BTBD16: variants seen among roughly 807,000 people sequenced by gnomAD.
BTBD16 encodes the protein BTB domain containing 16.
A neutral mutation model predicts 67.4 loss-of-function variants in BTBD16; 66 were observed. The ratio of observed to expected loss-of-function variants is 0.98; its 90% confidence interval spans 0.80 to 1.20. BTBD16 has a LOEUF of 1.20. Ranked by LOEUF, BTBD16 falls within the 50% of genes most tolerant of loss-of-function variation. The probability of loss-of-function intolerance (pLI) is 0.00; values close to 1 mark genes in which losing one functional copy is unlikely to be tolerated. For missense variants in BTBD16, 634 were observed against 616.0 expected, an observed-to-expected ratio of 1.03 and a Z score of -0.31; for synonymous variants, 242 against 236.4, an observed-to-expected ratio of 1.02 and a Z score of -0.22.
At chr10:122,282,069 T>C (rs2096354288) in intron 3 of BTBD16, among the ~76,000 whole-genome samples, 1 of 152,176 alleles carries the variant, frequency 6.6e-6, no homozygotes, top group Non-Finnish European at 1.5e-5. Flanking sequence ...ATGGTATATC[T>C]TGACAAGCAG....
intron 8 of BTBD16, 32 bp downstream of exon 8, chr10:122,297,869 C>T (rs773704141): frequency 6.2e-7 from 1 of 1,607,578 alleles, no homozygotes. Flanking sequence ...CACATCGCCC[C>T]TTGGGGGGGC....
intron 11 of BTBD16, among the ~76,000 whole-genome samples, chr10:122,330,802 C>T (rs2133318942): frequency 6.6e-6 from 1 of 152,270 alleles, no homozygotes; most frequent in South Asian, 2.1e-4. Context: ...AATCTTGGCT[C>T]ACTGCAGCCT....
At chr10:122,286,023 G>A in intron 4 of BTBD16, 82 bp from the exon 5 acceptor site, 1 of 1,352,676 alleles carries the variant, frequency 7.4e-7, no homozygotes, top group Non-Finnish European at 1.0e-6. Context: ...ACCGAGCAAA[G>A]GAGCTGGGGG....
intron 10 of BTBD16, among the ~76,000 whole-genome samples, chr10:122,317,709 C>G (rs553525632): frequency 6.6e-6 from 1 of 151,924 alleles, no homozygotes; most frequent in African/African-American, 2.4e-5. Context: ...CACAAACACA[C>G]GTATTAGCCT....
At chr10:122,310,841 C>T (rs921166217) in intron 10 of BTBD16, among the ~76,000 whole-genome samples, 5 of 152,176 alleles carry the variant, frequency 3.3e-5, no homozygotes, top group Non-Finnish European at 5.9e-5. Context: ...ACAAGCTGAA[C>T]AAATATTAGC....
intron 10 of BTBD16, among the ~76,000 whole-genome samples, chr10:122,312,309 CTTTTTTTTT>C (rs58045019): frequency 1.9e-5 from 2 of 105,602 alleles, no homozygotes; most frequent in Non-Finnish European, 1.8e-5. Context: ...TTTTCTTTTT[CTTTTTTTTT>C]TTTTTTTTTT....
At chr10:122,337,174 C>T (rs2096464589) in intron 15 of BTBD16, among the ~76,000 whole-genome samples, 1 of 152,194 alleles carries the variant, frequency 6.6e-6, no homozygotes, top group Non-Finnish European at 1.5e-5. Context: ...TAAGACTTTG[C>T]TACAAGCCAG....
At chr10:122,287,862 G>T (rs1200917360) in intron 5 of BTBD16, among the ~76,000 whole-genome samples, 1 of 152,134 alleles carries the variant, frequency 6.6e-6, no homozygotes, top group Non-Finnish European at 1.5e-5. Context: ...GGAGGAAGTG[G>T]CCCACTTACT....
At chr10:122,319,550 G>A (rs917048110) in intron 10 of BTBD16, among the ~76,000 whole-genome samples, 9 of 151,740 alleles carry the variant, frequency 5.9e-5, no homozygotes, top group African/African-American at 2.2e-4. Flanking sequence ...GTTTATTTTG[G>A]GACTCAATAT....
intron 4 of BTBD16, 76 bp from the exon 5 acceptor site, chr10:122,286,029 G>T (rs1590054310): frequency 1.4e-6 from 2 of 1,404,074 alleles, no homozygotes; most frequent in Non-Finnish European, 2.0e-6. Context: ...CAAAGGAGCT[G>T]GGGGAGAGGA....
At position 122,275,029 on chromosome 10, in the gene BTBD16, T is replaced by C. The variant is rs2096337367; in HGVS notation, c.-42-11T>C. 2 of 1,603,258 alleles carry C rather than the reference T, an allele frequency of 1.2e-6. No homozygotes were observed. The highest frequency in any genetic ancestry group is 1.7e-6 in the Non-Finnish European group (2 of 1,170,608). ...ATGGAAAATGTCACCTTTACCTCTTTTGTCTTCTAGGTTGCTTGTCTTTTC... is the reference window on the plus strand; with the variant it reads ...ATGGAAAATGTCACCTTTACCTCTTCTGTCTTCTAGGTTGCTTGTCTTTTC... On this transcript the variant is annotated splice_polypyrimidine_tract_variant and intron_variant, in intron 1 of 15. Transcript: ENST00000260723.
chr10:122,292,062 C>T (rs529696130), intron 7 of BTBD16, among the ~76,000 whole-genome samples: 1 of 152,254 alleles, frequency 6.6e-6, no homozygotes, highest in South Asian at 2.1e-4. Flanking sequence ...GGAAACACAC[C>T]CTGGAGGGGT....
intron 10 of BTBD16, among the ~76,000 whole-genome samples, chr10:122,309,800 T>C (rs2096410530): frequency 7.1e-6 from 1 of 140,580 alleles, no homozygotes; most frequent in South Asian, 2.3e-4. Flanking sequence ...TGAGGCAGTG[T>C]CTCACTTGTT....
chr10:122,318,983 G>A (rs2096431034), intron 10 of BTBD16, among the ~76,000 whole-genome samples: 1 of 152,182 alleles, frequency 6.6e-6, no homozygotes, highest in Admixed American at 6.5e-5. Context: ...AGTGACTAAG[G>A]ATGGTGAGCA....
At chr10:122,307,637 A>T (rs1470237607) in intron 10 of BTBD16, among the ~76,000 whole-genome samples, 3 of 152,194 alleles carry the variant, frequency 2.0e-5, no homozygotes, top group Admixed American at 6.5e-5. Context: ...CATTAAAAAA[A>T]AAAATCAGCT....
intron 14 of BTBD16, 57 bp downstream of exon 14, chr10:122,335,036 C>A: frequency 3.7e-6 from 3 of 821,742 alleles, no homozygotes; most frequent in Non-Finnish European, 3.9e-6. Context: ...GAGTTAGAGT[C>A]AATTCATGTT....
chr10:122,328,923 A>G (rs2096450097), intron 10 of BTBD16: 1 of 700,840 alleles, frequency 1.4e-6, no homozygotes, highest in African/African-American at 1.9e-5. Flanking sequence ...AGCTGCTAAA[A>G]CTAGTTCCCC....
chr10:122,294,034 C>T lies in BTBD16; in HGVS notation c.590+2840C>T, dbSNP rs565711059. 130 of 745,662 alleles carry T rather than the reference C, an allele frequency of 1.7e-4. No individual in the cohort carries two copies. In the African/African-American group the frequency reaches 2.2e-3, roughly 13 times the overall value. The allele number at this position is 745,662 out of a possible 1,614,324, so 46.2% of individuals were successfully genotyped here. A position where few individuals can be genotyped will look rare whatever the true frequency, so the allele number is the denominator to read the frequency against. On this transcript the variant is annotated intron_variant, in intron 7 of 15. Coordinates refer to ENST00000260723, the MANE Select transcript of BTBD16 (RefSeq NM_144587.5). ...GGGGCTTTGCAGCTAATGAGCCAAA[C>T]CTTTCATTCCACTGATGAGCAAACA... is the stretch of plus-strand genomic sequence containing the variant.
Position 122,289,937 on chromosome 10 carries a change from AT to A in BTBD16, c.415del (p.Ser139ProfsTer10). Reference protein sequence around the residue: ...AQSPKKTKEKSPAKRIIISLK... With the variant: ...AQSPKKTKEKXPAKRIIISLK... ...AATCACCTAAGAAGACCAAAGAAAA[AT>A]CCCCTGCAAAGAGGATCATCATTTC... On this transcript the variant is annotated frameshift_variant, in exon 6 of 16. Transcript: ENST00000260723. LOFTEE classifies it high-confidence loss of function. 1 of 1,613,900 alleles carries A rather than the reference AT, an allele frequency of 6.2e-7. No individual in the cohort carries two copies. Among genetic ancestry groups the A allele is most frequent in the Non-Finnish European group, 8.5e-7 (1 of 1,179,942 alleles).
Sources: gnomAD v4.1 joint callset for allele counts (sites outside exome capture counted in the v4.1 genomes callset) on GRCh38, gnomAD v4.1.1 for gene constraint, MANE v1.5 for transcripts, NCBI Gene and HGNC (gene_info 2026-07-23, HGNC 2026-07-21) for gene names.